The following FANCL variants were observed in gnomAD, a reference collection of about 807,000 sequenced individuals.
The protein encoded by FANCL is E3 ubiquitin-protein ligase FANCL.
Under a neutral mutation model 59.4 loss-of-function variants are expected in FANCL, and 69 were observed. The ratio of observed to expected loss-of-function variants is 1.16; its 90% CI spans 0.96 to 1.42. FANCL has a LOEUF of 1.42. Ranked by LOEUF, FANCL falls within the 40% of genes most tolerant of loss-of-function variation. The probability of loss-of-function intolerance (pLI) is 0.00; values close to 1 mark genes in which losing one functional copy is unlikely to be tolerated. For missense variants in FANCL, 519 were observed against 447.2 expected (o/e 1.16, Z -1.45); for synonymous variants, 180 against 147.1 (o/e 1.22, Z -1.62).
At chr2:58,192,556 T>C (rs1689027603) in intron 7 of FANCL, among the ~76,000 whole-genome samples, 2 of 152,002 alleles carry the variant, frequency 1.3e-5, no homozygotes, top group African/African-American at 2.4e-5. Flanking sequence ...ACATTACTTA[T>C]ATCTACATAG....
At chr2:58,175,225 T>C (rs1187565928) in intron 7 of FANCL, among the ~76,000 whole-genome samples, 1 of 147,990 alleles carries the variant, frequency 6.8e-6, no homozygotes, top group African/African-American at 2.6e-5. Context: ...ACTGGTACCA[T>C]TCCTTCTGAA....
chr2:58,167,504 AAG>A (rs1491062620), intron 7 of FANCL, among the ~76,000 whole-genome samples: 5 of 152,222 alleles, frequency 3.3e-5, no homozygotes, highest in Admixed American at 1.3e-4. Flanking sequence ...CTGCCAAAAA[AAG>A]AGTTATAAAA....
intron 7 of FANCL, among the ~76,000 whole-genome samples, chr2:58,191,833 T>C (rs908585024): frequency 6.6e-5 from 10 of 151,936 alleles, no homozygotes; most frequent in Non-Finnish European, 1.2e-4. Context: ...CTTTGTACAT[T>C]TGTACAGCAT....
At chr2:58,219,175 T>TATATATAC (rs1692210869) in intron 5 of FANCL, among the ~76,000 whole-genome samples, 1 of 51,540 alleles carries the variant, frequency 1.9e-5, no homozygotes. Flanking sequence ...AAAAAAAATA[T>TATATATAC]ATATATATAT....
At position 58,198,676 on chromosome 2, in the gene FANCL, A is replaced by T. The variant is rs371196539; in HGVS notation, c.472-14T>A. On this transcript the variant is annotated splice_polypyrimidine_tract_variant and intron_variant, in intron 6 of 13. Transcript: ENST00000233741. ...TTCTGCAGGATACTATTAAAAAAGCATAACATTAGACCATTTTTGCTTCTG... is the reference window on the plus strand; with the variant it reads ...TTCTGCAGGATACTATTAAAAAAGCTTAACATTAGACCATTTTTGCTTCTG... 2 of 1,605,044 alleles carry T rather than the reference A, an allele frequency of 1.2e-6. No homozygotes were observed. The highest frequency in any genetic ancestry group is 1.7e-6 in the Non-Finnish European group (2 of 1,171,828).
chr2:58,239,862 T>C (rs1315016739), intron 1 of FANCL, among the ~76,000 whole-genome samples: 1 of 152,228 alleles, frequency 6.6e-6, no homozygotes, highest in Non-Finnish European at 1.5e-5. Context: ...TTACTTGTAC[T>C]GTATATCCTT....
At chr2:58,197,609 C>A (rs1424986547) in intron 7 of FANCL, among the ~76,000 whole-genome samples, 2 of 152,124 alleles carry the variant, frequency 1.3e-5, no homozygotes, top group African/African-American at 2.4e-5. Context: ...TTACAGTGCA[C>A]TTCTAAAAAA....
At chr2:58,204,895 T>C (rs1291237432) in intron 5 of FANCL, among the ~76,000 whole-genome samples, 1 of 152,104 alleles carries the variant, frequency 6.6e-6, no homozygotes, top group Non-Finnish European at 1.5e-5. Context: ...CCTAAATGCA[T>C]GAATTTTCTA....
chr2:58,181,495 C>A lies in FANCL; in HGVS notation c.541-15621G>T, dbSNP rs753748561. ...ACTTATGGAACACTTAAGATTTATG[C>A]ACTTTACTGTTTCCAAATTTTACAA... On this transcript the variant is annotated intron_variant, in intron 7 of 13. Transcript: ENST00000233741. 3.9e-5 allele frequency among the ~76,000 whole-genome samples: 6 copies of A among 151,958 alleles called. No homozygotes were observed. In the South Asian group the frequency reaches 1.0e-3, roughly 26 times the overall value.
At chr2:58,241,189 T>A in intron 1 of FANCL, 29 bp downstream of exon 1, 4 of 1,607,540 alleles carry the variant, frequency 2.5e-6, no homozygotes, top group Non-Finnish European at 3.4e-6. Flanking sequence ...GAGGCTCTCT[T>A]AGCTAGAAAG....
chr2:58,184,712 A>G (rs1688239443), intron 7 of FANCL, among the ~76,000 whole-genome samples: 1 of 152,132 alleles, frequency 6.6e-6, no homozygotes, highest in African/African-American at 2.4e-5. Flanking sequence ...TTATAGGAAG[A>G]AAAGTATCCT....
intron 5 of FANCL, 88 bp from the exon 6 acceptor site, chr2:58,204,314 T>C (rs1272247010): frequency 1.7e-5 from 16 of 969,114 alleles, no homozygotes; most frequent in Non-Finnish European, 2.5e-5. Context: ...ATGAAAATAT[T>C]TGCTATATTC....
chr2:58,190,478 A>C (rs928533015), intron 7 of FANCL, among the ~76,000 whole-genome samples: 5 of 151,612 alleles, frequency 3.3e-5, no homozygotes, highest in African/African-American at 1.2e-4. Flanking sequence ...GAAAAAAAAA[A>C]AAAAAAGGCC....
intron 7 of FANCL, among the ~76,000 whole-genome samples, chr2:58,197,952 A>T (rs151023033): frequency 3.0e-3 from 461 of 152,212 alleles, no homozygotes; most frequent in Non-Finnish European, 4.1e-3. Flanking sequence ...TGGAATTTAA[A>T]TTTAAAGGAA....
At chr2:58,184,359 T>C (rs1464928514) in intron 7 of FANCL, among the ~76,000 whole-genome samples, 1 of 152,068 alleles carries the variant, frequency 6.6e-6, no homozygotes, top group East Asian at 1.9e-4. Context: ...AAATGCATTA[T>C]AAATCTACTA....
chr2:58,184,555 G>T (rs72948841), intron 7 of FANCL, among the ~76,000 whole-genome samples: 1 of 151,932 alleles, frequency 6.6e-6, no homozygotes, highest in Non-Finnish European at 1.5e-5. Flanking sequence ...GCAAAATGCC[G>T]TCTGTTTTGT....
intron 6 of FANCL, among the ~76,000 whole-genome samples, chr2:58,203,830 T>C (rs1690302038): frequency 6.6e-6 from 1 of 152,080 alleles, no homozygotes; most frequent in South Asian, 2.1e-4. Context: ...GTCTTCTACA[T>C]GTTACATGTA....
chr2:58,193,016 A>C (rs1382706572), intron 7 of FANCL, among the ~76,000 whole-genome samples: 1 of 152,020 alleles, frequency 6.6e-6, no homozygotes, highest in Non-Finnish European at 1.5e-5. Flanking sequence ...AAATAACAAA[A>C]ATTTTAAAAT....
At chr2:58,196,863 A>G (rs1449475352) in intron 7 of FANCL, among the ~76,000 whole-genome samples, 1 of 151,898 alleles carries the variant, frequency 6.6e-6, no homozygotes, top group Non-Finnish European at 1.5e-5. Context: ...AGAGTAACAC[A>G]ACCTAGCTAT....
Sources: allele counts gnomAD v4.1 joint callset (sites outside exome capture counted in the v4.1 genomes callset), GRCh38; gene constraint gnomAD v4.1.1; transcripts MANE v1.5; gene names NCBI Gene and HGNC (gene_info 2026-07-23, HGNC 2026-07-21).